Variants in HEXB observed in about 807,000 individuals in gnomAD.
HEXB encodes the protein beta-hexosaminidase subunit beta.
A neutral mutation model predicts 71.2 loss-of-function variants in HEXB; 51 were observed. That is an observed-to-expected ratio of 0.72 (90% CI 0.57 to 0.90). The LOEUF (loss-of-function observed/expected upper bound fraction) is 0.90. Among genes scored for constraint, HEXB ranks in the 40% least tolerant of loss-of-function variants. The pLI, the probability that HEXB is intolerant of heterozygous loss-of-function variation, is 0.00. For synonymous variants in HEXB, 266 were observed against 249.3 expected (o/e 1.07, Z -0.63); for missense variants, 617 against 677.0 (o/e 0.91, Z 0.98).
chr5:74,666,704 A>G (rs1332313927), intron 1 of HEXB, among the ~76,000 whole-genome samples: 4 of 152,156 alleles, frequency 2.6e-5, no homozygotes, highest in Non-Finnish European at 5.9e-5. Flanking sequence ...GCACCTCACC[A>G]TGGTCAATTC....
intron 1 of HEXB, among the ~76,000 whole-genome samples, chr5:74,662,642 A>G (rs1018222853): frequency 5.9e-5 from 9 of 152,228 alleles, no homozygotes; most frequent in Non-Finnish European, 1.2e-4. Context: ...CTACATTCTC[A>G]AAATATCCCT....
chr5:74,721,041 AATATCAATCTAAAATATCTTTATGAATG>A lies in HEXB; in HGVS notation c.1614-63_1614-36del, dbSNP rs144354696. ...TAATTTAAGTTTCTAAGATGACATGAATATCAATCTAAAATATCTTTATGAATGATATCAATCTAAATCAATCTAAAAT... is the reference window on the plus strand; with the variant it reads ...TAATTTAAGTTTCTAAGATGACATGAATATCAATCTAAATCAATCTAAAAT... On this transcript the variant is annotated intron_variant, in intron 13 of 13. Coordinates refer to ENST00000261416, the MANE Select transcript of HEXB (RefSeq NM_000521.4). The A allele has an allele frequency of 4.9e-3, 5,726 of 1,167,790 alleles. 189 individuals carry two copies. In the African/African-American group the frequency reaches 0.076, roughly 16 times the overall value. 72.3% of individuals were successfully genotyped at this position (1,167,790 alleles called of 1,614,324 possible).
intron 4 of HEXB, 121 bp from the exon 5 acceptor site, chr5:74,696,875 A>C (rs894240575): frequency 1.3e-6 from 1 of 767,014 alleles, no homozygotes; most frequent in Non-Finnish European, 2.2e-6. Flanking sequence ...TGTAAATTTC[A>C]TACATTTTTG....
chr5:74,716,970 A>G lies in HEXB; in HGVS notation c.1169+297A>G, dbSNP rs1749686165. The G allele has an allele frequency of 1.6e-5, 4 of 257,390 alleles. No homozygotes were observed. The South Asian group carries it at 1.7e-4, about 11-fold the overall frequency. 15.9% of individuals were successfully genotyped at this position (257,390 alleles called of 1,614,324 possible). The stretch of plus-strand genomic sequence containing the variant: ...TTTGGGAGGCCGAGGCAGGTGGATC[A>G]CCGGAGGCCAGGAGTTCGAGACCAG... On this transcript the variant is annotated intron_variant, in intron 9 of 13. Transcript: ENST00000261416.
chr5:74,714,066 T>G (rs531215198), intron 7 of HEXB, among the ~76,000 whole-genome samples: 1 of 152,282 alleles, frequency 6.6e-6, no homozygotes, highest in Admixed American at 6.5e-5. Context: ...TGATCTCCCC[T>G]CCTCATGATC....
chr5:74,713,468 G>GT (rs1561225802), intron 6 of HEXB, 38 bp from the exon 7 acceptor site: 1 of 1,595,456 alleles, frequency 6.3e-7, no homozygotes, highest in Admixed American at 1.7e-5. Context: ...TCAAATCTAC[G>GT]TTGTACATTT....
chr5:74,721,252 A>G lies in HEXB; in HGVS notation c.*77A>G. 2 of 1,171,882 alleles carry G rather than the reference A, an allele frequency of 1.7e-6. No individual in the cohort carries two copies. The highest frequency in any genetic ancestry group is 4.8e-5 in the East Asian group (2 of 41,384). 72.6% of individuals were successfully genotyped at this position (1,171,882 alleles called of 1,614,324 possible). On this transcript the variant is annotated 3_prime_UTR_variant, in exon 14 of 14. Transcript: ENST00000261416. ...TTGAAATCATGTAAAATAAGATATTAGACTGTTTTTTGAATAAAATATTTT... is the reference window on the plus strand; with the variant it reads ...TTGAAATCATGTAAAATAAGATATTGGACTGTTTTTTGAATAAAATATTTT...
intron 1 of HEXB, among the ~76,000 whole-genome samples, chr5:74,658,727 A>T (rs1748265934): frequency 6.6e-6 from 1 of 151,952 alleles, no homozygotes; most frequent in South Asian, 2.1e-4. Context: ...ACCTTCCTAA[A>T]CTCTGCCCTA....
chr5:74,689,435 A>T lies in HEXB; in HGVS notation c.407A>T (p.Glu136Val). 1 of 1,613,544 alleles carries T rather than the reference A, an allele frequency of 6.2e-7. No individual in the cohort carries two copies. The highest frequency in any genetic ancestry group is 8.5e-7 in the Non-Finnish European group (1 of 1,179,458). Residue 136 changes from glutamate to valine, a missense_variant, in exon 2 of 14, where the codon GAG becomes GTG. Coordinates refer to ENST00000261416, the MANE Select transcript of HEXB (RefSeq NM_000521.4). ...CTTGTCTCAATCACCCTTCAGTCAGAGTGTGATGCTTTCCCCAACATATCT... is the reference window on the plus strand; with the variant it reads ...CTTGTCTCAATCACCCTTCAGTCAGTGTGTGATGCTTTCCCCAACATATCT... Reference protein sequence around the residue: ...QLLVSITLQSECDAFPNISSD... With the variant: ...QLLVSITLQSVCDAFPNISSD...
chr5:74,706,871 CACAG>C (rs932934810), intron 6 of HEXB, among the ~76,000 whole-genome samples: 3 of 152,184 alleles, frequency 2.0e-5, no homozygotes, highest in Non-Finnish European at 1.5e-5. Flanking sequence ...GGGGGCAGGG[CACAG>C]ACAAACAAAA....
rs79974954 is a variant in HEXB at position 74,720,235 on chromosome 5, T to A, written c.1418-193T>A. On this transcript the variant is annotated intron_variant, in intron 11 of 13. Coordinates refer to ENST00000261416, the MANE Select transcript of HEXB (RefSeq NM_000521.4). ...GGGCTGGGGATAAAGTTTGCAACCA[T>A]TTTTTTGGGGGGTGGGGGAAGAGGA... The A allele has an allele frequency of 3.0e-3, 1,785 of 598,984 alleles. 29 individuals are homozygous for A. In the African/African-American group the frequency reaches 0.03, roughly 10 times the overall value. The allele number at this position is 598,984 out of a possible 1,614,324, so 37.1% of individuals were successfully genotyped here. A position where few individuals can be genotyped will look rare whatever the true frequency, so the allele number is the denominator to read the frequency against.
At chr5:74,685,169 C>A, upstream of HEXB, 3 of 1,348,822 alleles carry the variant, frequency 2.2e-6, no homozygotes, top group Non-Finnish European at 2.9e-6. Flanking sequence ...GGTGACTCAC[C>A]CGCGGCCGCG....
chr5:74,677,166 T>C (rs11738401), intron 1 of HEXB, among the ~76,000 whole-genome samples: 22,829 of 151,976 alleles, frequency 0.15, 1,921 homozygotes, highest in East Asian at 0.27. Context: ...ATTACATGAG[T>C]CACCGCACCC....
intron 1 of HEXB, among the ~76,000 whole-genome samples, chr5:74,669,011 G>A (rs541107329): frequency 3.9e-5 from 6 of 152,184 alleles, no homozygotes; most frequent in Admixed American, 1.3e-4. Context: ...GCCCAGGCTG[G>A]AGTTCAACAG....
intron 1 of HEXB, among the ~76,000 whole-genome samples, chr5:74,665,516 A>G (rs1427627241): frequency 1.3e-5 from 2 of 152,172 alleles, no homozygotes; most frequent in African/African-American, 4.8e-5. Context: ...TCCTACACAC[A>G]CATGTTAAAA....
chr5:74,699,063 T>C (rs550584033), intron 5 of HEXB, among the ~76,000 whole-genome samples: 1 of 152,026 alleles, frequency 6.6e-6, no homozygotes, highest in South Asian at 2.1e-4. Context: ...TGCACGCCTG[T>C]AATTCCAGCT....
intron 1 of HEXB, among the ~76,000 whole-genome samples, chr5:74,674,589 G>C (rs1748597578): frequency 7.3e-6 from 1 of 136,540 alleles, no homozygotes; most frequent in African/African-American, 2.8e-5. Flanking sequence ...GGGAGACAGA[G>C]CAAGACTCTG....
chr5:74,706,880 A>G (rs563970521), intron 6 of HEXB, among the ~76,000 whole-genome samples: 2 of 152,312 alleles, frequency 1.3e-5, no homozygotes, highest in African/African-American at 4.8e-5. Flanking sequence ...GCACAGACAA[A>G]CAAAAAGACA....
At chr5:74,717,604 A>G (rs1037220382) in intron 9 of HEXB, among the ~76,000 whole-genome samples, 10 of 152,148 alleles carry the variant, frequency 6.6e-5, no homozygotes, top group African/African-American at 2.4e-4. Flanking sequence ...CATGGGCCAC[A>G]TACAATTGCC....
Sources: allele counts gnomAD v4.1 joint callset (sites outside exome capture counted in the v4.1 genomes callset), GRCh38; gene constraint gnomAD v4.1.1; transcripts MANE v1.5; gene names NCBI Gene and HGNC (gene_info 2026-07-23, HGNC 2026-07-21).